The following FAM107B variants were observed in gnomAD, a reference collection of about 807,000 sequenced individuals.
The protein encoded by FAM107B is family with sequence similarity 107 member B.
Under a neutral mutation model 31.5 loss-of-function variants are expected in FAM107B, and 21 were observed. The ratio of observed to expected loss-of-function variants is 0.67; its 90% CI spans 0.47 to 0.96. The LOEUF (loss-of-function observed/expected upper bound fraction) is 0.96, where lower values mean the gene tolerates loss of function less well. Among genes scored for constraint, FAM107B ranks in the 40% least tolerant of loss-of-function variants. The pLI, the probability that FAM107B is intolerant of heterozygous loss-of-function variation, is 0.00. For missense variants in FAM107B, 452 were observed against 377.1 expected, an observed-to-expected ratio of 1.20 and a Z score of -1.64; for synonymous variants, 157 against 141.5, an observed-to-expected ratio of 1.11 and a Z score of -0.78.
chr10:14,687,628 T>C (rs1281065290), intron 1 of FAM107B, among the ~76,000 whole-genome samples: 1 of 133,494 alleles, frequency 7.5e-6, no homozygotes, highest in Non-Finnish European at 1.6e-5. Flanking sequence ...GAAGGACCAG[T>C]GTTGCGGGGG....
intron 1 of FAM107B, among the ~76,000 whole-genome samples, chr10:14,763,311 T>C (rs146030659): frequency 3.4e-4 from 52 of 152,270 alleles, no homozygotes; most frequent in Middle Eastern, 3.4e-3. Context: ...CTTTGTTCAG[T>C]ATACAGGATC....
At chr10:14,643,122 T>G (rs566587012) in intron 2 of FAM107B, among the ~76,000 whole-genome samples, 2 of 151,986 alleles carry the variant, frequency 1.3e-5, no homozygotes, top group Non-Finnish European at 2.9e-5. Flanking sequence ...GGTAGGTAGA[T>G]AGACAGATAG....
chr10:14,732,328 A>C (rs1433810509), intron 1 of FAM107B, among the ~76,000 whole-genome samples: 1 of 152,180 alleles, frequency 6.6e-6, no homozygotes, highest in Non-Finnish European at 1.5e-5. Context: ...AAAGATCGGC[A>C]ATTAATCAAC....
chr10:14,640,551 G>T (rs1448210176), intron 2 of FAM107B, among the ~76,000 whole-genome samples: 1 of 152,196 alleles, frequency 6.6e-6, no homozygotes, highest in Non-Finnish European at 1.5e-5. Flanking sequence ...GTGTGACCTA[G>T]CTGAGGGGCA....
At chr10:14,690,061 T>C (rs1855094953) in intron 1 of FAM107B, among the ~76,000 whole-genome samples, 1 of 148,786 alleles carries the variant, frequency 6.7e-6, no homozygotes, top group Admixed American at 6.7e-5. Flanking sequence ...GAGACACCTG[T>C]CATCTCAGAT....
chr10:14,683,341 G>T (rs1554848207), intron 1 of FAM107B, among the ~76,000 whole-genome samples: 2 of 152,226 alleles, frequency 1.3e-5, no homozygotes, highest in Non-Finnish European at 2.9e-5. Context: ...AACGGAATGA[G>T]TGATTGTTCC....
intron 2 of FAM107B, among the ~76,000 whole-genome samples, chr10:14,570,015 T>C (rs957162223): frequency 1.3e-5 from 2 of 152,198 alleles, no homozygotes; most frequent in Non-Finnish European, 2.9e-5. Context: ...ATCACTGTCA[T>C]GAGCCATAGA....
chr10:14,732,873 A>G (rs1229989991), intron 1 of FAM107B, among the ~76,000 whole-genome samples: 1 of 146,916 alleles, frequency 6.8e-6, no homozygotes, highest in African/African-American at 2.5e-5. Context: ...TATTAATATT[A>G]TATAATACAA....
At chr10:14,748,458 T>A (rs1025619925) in intron 1 of FAM107B, among the ~76,000 whole-genome samples, 9 of 152,244 alleles carry the variant, frequency 5.9e-5, no homozygotes, top group African/African-American at 2.2e-4. Flanking sequence ...AGTAGCTAAC[T>A]AGTCCCATCT....
chr10:14,726,037 T>C (rs1253611117), intron 1 of FAM107B, among the ~76,000 whole-genome samples: 1 of 150,336 alleles, frequency 6.7e-6, no homozygotes. Flanking sequence ...CTTGTTGCCA[T>C]GGCTAGAATG....
intron 2 of FAM107B, among the ~76,000 whole-genome samples, chr10:14,648,359 C>G (rs993896922): frequency 3.9e-5 from 6 of 152,184 alleles, no homozygotes; most frequent in Non-Finnish European, 2.9e-5. Context: ...ACAAAAAGCC[C>G]GGAGAAGTAC....
At chr10:14,687,975 T>C (rs1417597569) in intron 1 of FAM107B, among the ~76,000 whole-genome samples, 1 of 152,200 alleles carries the variant, frequency 6.6e-6, no homozygotes, top group Non-Finnish European at 1.5e-5. Context: ...TGTAAGGGTA[T>C]TGCCAAAGGA....
intron 2 of FAM107B, among the ~76,000 whole-genome samples, chr10:14,568,678 G>A (rs1250273453): frequency 6.6e-6 from 1 of 152,276 alleles, no homozygotes; most frequent in East Asian, 1.9e-4. Flanking sequence ...GTAGGAGAAG[G>A]GTGGCTGATC....
chr10:14,651,638 C>T (rs1038350532), intron 2 of FAM107B, among the ~76,000 whole-genome samples: 4 of 152,082 alleles, frequency 2.6e-5, no homozygotes, highest in African/African-American at 9.7e-5. Context: ...CCACACATAA[C>T]CGTAAATTAT....
At chr10:14,643,233 A>G (rs1365135188) in intron 2 of FAM107B, among the ~76,000 whole-genome samples, 1 of 151,966 alleles carries the variant, frequency 6.6e-6, no homozygotes, top group Non-Finnish European at 1.5e-5. Context: ...TGATGGCATA[A>G]TTTCAGTTCA....
chr10:14,535,751 A>G lies in FAM107B; in HGVS notation c.470-5236T>C, dbSNP rs889253991. ...TGAAAGATTTTCAAGCTGTTGAGTAATAACAGAATTGTATTTCAGACAGAC... is the reference window on the plus strand; with the variant it reads ...TGAAAGATTTTCAAGCTGTTGAGTAGTAACAGAATTGTATTTCAGACAGAC... On this transcript the variant is annotated intron_variant, in intron 2 of 4. Coordinates refer to ENST00000181796, the MANE Select transcript of FAM107B (RefSeq NM_031453.4). Among the ~76,000 whole-genome samples, 13 of 152,246 alleles carry G rather than the reference A, an allele frequency of 8.5e-5. 1 individual carries two copies. Among genetic ancestry groups the G allele is most frequent in the Admixed American group, 6.5e-4 (10 of 15,292 alleles).
chr10:14,667,224 A>G (rs189976171), intron 2 of FAM107B, among the ~76,000 whole-genome samples: 8 of 152,304 alleles, frequency 5.3e-5, no homozygotes, highest in African/African-American at 1.7e-4. Context: ...GCGAAGCTGC[A>G]TACTTGACCA....
chr10:14,526,929 C>T (rs994573996), intron 3 of FAM107B, among the ~76,000 whole-genome samples: 3 of 152,034 alleles, frequency 2.0e-5, no homozygotes, highest in Admixed American at 6.6e-5. Flanking sequence ...GCTCCGCCTC[C>T]CGGGTTCACG....
rs145340406 is a variant in FAM107B at position 14,692,571 on chromosome 10, C to T, written c.412-24880G>A. Among the ~76,000 whole-genome samples the T allele has an allele frequency of 3.3e-3, 501 of 152,268 alleles. 7 individuals are homozygous for T. In the East Asian group the frequency reaches 0.048, roughly 15 times the overall value. On this transcript the variant is annotated intron_variant, in intron 1 of 4. Coordinates refer to ENST00000181796, the MANE Select transcript of FAM107B (RefSeq NM_031453.4). ...CATTGATGCCCTCATAAAAATCTAC[C>T]TTACTTTCCCCTTCTACTGAACATA...
Sources: gnomAD v4.1 joint callset for allele counts (sites outside exome capture counted in the v4.1 genomes callset) on GRCh38, gnomAD v4.1.1 for gene constraint, MANE v1.5 for transcripts, NCBI Gene and HGNC (gene_info 2026-07-23, HGNC 2026-07-21) for gene names.